DOCK3: variants seen among roughly 807,000 people sequenced by gnomAD.
The protein encoded by DOCK3 is dedicator of cytokinesis 3, also known as dedicator of cytokinesis protein 3.
In DOCK3, 60 loss-of-function variants were observed where a neutral mutation model predicts 265.6. The ratio of observed to expected loss-of-function variants is 0.23; its 90% CI spans 0.18 to 0.28. The LOEUF (loss-of-function observed/expected upper bound fraction) is 0.28. Among genes scored for constraint, DOCK3 ranks in the 10% least tolerant of loss-of-function variants. DOCK3 has a pLI of 1.00. For missense variants in DOCK3, 1,981 were observed against 2,594.3 expected, an observed-to-expected ratio of 0.76 and a Z score of 5.14; for synonymous variants, 881 against 938.0, an observed-to-expected ratio of 0.94 and a Z score of 1.11.
Position 51,333,035 on chromosome 3 carries a change from T to C in DOCK3, c.3515+8T>C. 6.2e-7 allele frequency: 1 copy of C among 1,613,990 alleles called. No homozygotes were observed. The highest frequency in any genetic ancestry group is 1.1e-5 in the South Asian group (1 of 91,076). On this transcript the variant is annotated splice_region_variant and intron_variant, in intron 34 of 52. Coordinates refer to ENST00000266037, the MANE Select transcript of DOCK3 (RefSeq NM_004947.5). ...GTTTGGGCCCTACCCCAGGTAAGAC[T>C]GCAGTGTGGTAAGTCTGCTGTCTCC...
rs184966773 is a variant in DOCK3, at chr3:50,971,638, C to T, written c.315+37561C>T. Among the ~76,000 whole-genome samples, 292 of 152,274 alleles carry T rather than the reference C, an allele frequency of 1.9e-3. 1 individual carries two copies. Among genetic ancestry groups the T allele is most frequent in the Middle Eastern group, 3.4e-3 (1 of 294 alleles). On this transcript the variant is annotated intron_variant, in intron 5 of 52. Transcript: ENST00000266037. Reference sequence around the variant, plus strand: ...GTTCAACCTGTAGGCCAGTAGGTGGCGCTTACAGGTAAGGGCTGGCTGAGG... The same window carrying T: ...GTTCAACCTGTAGGCCAGTAGGTGGTGCTTACAGGTAAGGGCTGGCTGAGG...
intron 4 of DOCK3, among the ~76,000 whole-genome samples, chr3:50,921,752 GT>G (rs1041493437): frequency 6.6e-6 from 1 of 152,166 alleles, no homozygotes; most frequent in Non-Finnish European, 1.5e-5. Context: ...TGTCCTTTCT[GT>G]TTGTTAGTTT....
intron 2 of DOCK3, among the ~76,000 whole-genome samples, chr3:50,800,903 TTTC>T (rs773729557): frequency 1.3e-5 from 2 of 152,344 alleles, no homozygotes; most frequent in Non-Finnish European, 1.5e-5. Context: ...TCATTCTTAA[TTTC>T]TTCTTCCATC....
At position 50,686,628 on chromosome 3, in the gene DOCK3, G is replaced by A. The variant is rs1026188940; in HGVS notation, c.37+11328G>A. 4.6e-5 allele frequency among the ~76,000 whole-genome samples: 7 copies of A among 152,278 alleles called. No individual in the cohort carries two copies. The East Asian group carries it at 5.8e-4, about 13-fold the overall frequency. ...TCAGTCTCTTGTAAAATCTCTGCTC[G>A]CCAAGCATGGTGGCTCACACCTATA... On this transcript the variant is annotated intron_variant, in intron 1 of 52. Coordinates refer to ENST00000266037, the MANE Select transcript of DOCK3 (RefSeq NM_004947.5).
chr3:50,877,457 C>A (rs757769802), intron 3 of DOCK3: 1 of 520,086 alleles, frequency 1.9e-6, no homozygotes, highest in South Asian at 1.4e-5. Flanking sequence ...ACTTATAAGG[C>A]TGAGCCAAAT....
intron 12 of DOCK3, among the ~76,000 whole-genome samples, chr3:51,195,945 G>GT (rs925648401): frequency 4.0e-5 from 6 of 149,482 alleles, no homozygotes; most frequent in African/African-American, 7.4e-5. Flanking sequence ...GTTGTTTTTT[G>GT]TTTTTTTTGA....
intron 27 of DOCK3, among the ~76,000 whole-genome samples, chr3:51,297,690 G>C (rs1045868878): frequency 2.6e-5 from 4 of 152,116 alleles, no homozygotes; most frequent in Admixed American, 2.6e-4. Context: ...TGTAATCCTA[G>C]CACTTTGGGA....
intron 1 of DOCK3, among the ~76,000 whole-genome samples, chr3:50,708,993 C>T (rs781022791): frequency 3.9e-5 from 6 of 152,182 alleles, no homozygotes; most frequent in Non-Finnish European, 8.8e-5. Context: ...GTTCTGTTTT[C>T]GTTTTATTCG....
At chr3:51,111,719 A>C (rs1214688446) in intron 9 of DOCK3, among the ~76,000 whole-genome samples, 1 of 152,216 alleles carries the variant, frequency 6.6e-6, no homozygotes. Flanking sequence ...GACAAATGGG[A>C]TCTATTTAAA....
chr3:50,786,215 A>G (rs1226709439), intron 2 of DOCK3, among the ~76,000 whole-genome samples: 1 of 151,974 alleles, frequency 6.6e-6, no homozygotes. Flanking sequence ...AATCTTTCTA[A>G]TGGTCTATCA....
chr3:50,773,709 A>G (rs1414844742), intron 1 of DOCK3, among the ~76,000 whole-genome samples: 2 of 152,108 alleles, frequency 1.3e-5, no homozygotes, highest in South Asian at 2.1e-4. Flanking sequence ...TTAGACAGCT[A>G]TATCATTGTT....
chr3:51,057,493 G>A (rs1324777341), intron 5 of DOCK3, among the ~76,000 whole-genome samples: 1 of 152,198 alleles, frequency 6.6e-6, no homozygotes, highest in East Asian at 1.9e-4. Flanking sequence ...AACAAAACCT[G>A]TAGTGCCAAC....
chr3:50,922,333 G>A (rs992395116), intron 4 of DOCK3, among the ~76,000 whole-genome samples: 17 of 152,250 alleles, frequency 1.1e-4, no homozygotes, highest in African/African-American at 2.4e-4. Context: ...TCGAGGCTCC[G>A]TGGGTGTAGG....
chr3:51,356,589 C>G (rs992746725), intron 43 of DOCK3, 96 bp downstream of exon 43: 10 of 1,285,770 alleles, frequency 7.8e-6, no homozygotes, highest in Non-Finnish European at 9.9e-6. Flanking sequence ...AAGAGAGCGT[C>G]GGCCACCTGC....
At chr3:50,698,275 T>C (rs1352670813) in intron 1 of DOCK3, among the ~76,000 whole-genome samples, 2 of 152,202 alleles carry the variant, frequency 1.3e-5, no homozygotes, top group Non-Finnish European at 2.9e-5. Flanking sequence ...TCATGTATTA[T>C]GTGACCTTTT....
At chr3:50,754,998 A>C (rs201999895) in intron 1 of DOCK3, among the ~76,000 whole-genome samples, 10,922 of 152,286 alleles carry the variant, frequency 0.072, 979 homozygotes, top group East Asian at 0.33. Flanking sequence ...TAAAAATATC[A>C]AAATTGCAGC....
At chr3:51,301,861 A>C (rs2082377730) in intron 27 of DOCK3, among the ~76,000 whole-genome samples, 1 of 152,082 alleles carries the variant, frequency 6.6e-6, no homozygotes, top group Non-Finnish European at 1.5e-5. Flanking sequence ...TTATGTTATC[A>C]ATTTTAGAGT....
At chr3:51,200,876 TCTTAC>T (rs1431456935) in intron 12 of DOCK3, among the ~76,000 whole-genome samples, 13 of 152,112 alleles carry the variant, frequency 8.5e-5, no homozygotes, top group Non-Finnish European at 1.9e-4. Flanking sequence ...TATTCAACAT[TCTTAC>T]CGAAAAGAAT....
chr3:50,835,282 G>A (rs1382479848), intron 2 of DOCK3, among the ~76,000 whole-genome samples: 2 of 151,982 alleles, frequency 1.3e-5, no homozygotes, highest in Admixed American at 1.3e-4. Context: ...TACACACCTT[G>A]CATGCAAAAC....
Sources: allele counts gnomAD v4.1 joint callset (sites outside exome capture counted in the v4.1 genomes callset), GRCh38; gene constraint gnomAD v4.1.1; transcripts MANE v1.5; gene names NCBI Gene and HGNC (gene_info 2026-07-23, HGNC 2026-07-21).